TLN2: variants seen among roughly 807,000 people sequenced by gnomAD.
The protein encoded by TLN2 is talin-2.
A neutral mutation model predicts 294.7 loss-of-function variants in TLN2; 118 were observed. That is an observed-to-expected ratio of 0.40 (90% CI 0.34 to 0.47). The LOEUF (loss-of-function observed/expected upper bound fraction) is 0.47, where lower values mean the gene tolerates loss of function less well. Among genes scored for constraint, TLN2 ranks in the 20% least tolerant of loss-of-function variants. The pLI is 0.84. For synonymous variants in TLN2, 1,431 were observed against 1,304.5 expected, an observed-to-expected ratio of 1.10 and a Z score of -2.09; for missense variants, 3,083 against 3,282.2, an observed-to-expected ratio of 0.94 and a Z score of 1.48.
At chr15:62,690,613 C>A (rs1338230030) in intron 12 of TLN2, among the ~76,000 whole-genome samples, 1 of 148,620 alleles carries the variant, frequency 6.7e-6, no homozygotes, top group Non-Finnish European at 1.5e-5. Context: ...GACGGGGTGG[C>A]GGCCGGGCAG....
intron 45 of TLN2, among the ~76,000 whole-genome samples, chr15:62,788,398 C>T (rs2064848796): frequency 6.6e-6 from 1 of 152,194 alleles, no homozygotes; most frequent in Non-Finnish European, 1.5e-5. Flanking sequence ...ACTGTTGGTT[C>T]TGTTGTCCTC....
intron 15 of TLN2, 96 bp downstream of exon 15, chr15:62,697,964 C>G (rs758173641): frequency 1.3e-5 from 19 of 1,429,470 alleles, no homozygotes; most frequent in Admixed American, 7.2e-5. Flanking sequence ...TGTTGGAACG[C>G]TCTCTATTTC....
chr15:62,648,201 G>C (rs2052128205), intron 4 of TLN2, among the ~76,000 whole-genome samples: 2 of 151,976 alleles, frequency 1.3e-5, no homozygotes, highest in South Asian at 4.1e-4. Flanking sequence ...CGGGAAGATC[G>C]CTTGAACCCA....
At chr15:62,684,476 G>A (rs1045005237) in intron 11 of TLN2, among the ~76,000 whole-genome samples, 3 of 152,114 alleles carry the variant, frequency 2.0e-5, no homozygotes, top group Non-Finnish European at 4.4e-5. Flanking sequence ...AAAATCTGAC[G>A]CTTGTCAGTG....
intron 33 of TLN2, 71 bp downstream of exon 33, chr15:62,748,515 C>G (rs1014501555): frequency 2.7e-5 from 32 of 1,190,384 alleles, no homozygotes; most frequent in Non-Finnish European, 4.0e-5. Context: ...GTGTGTCTGT[C>G]TGTCTATGTC....
intron 1 of TLN2, among the ~76,000 whole-genome samples, chr15:62,532,023 AT>A (rs1334214900): frequency 6.8e-6 from 1 of 147,976 alleles, no homozygotes; most frequent in Non-Finnish European, 1.5e-5. Context: ...GGGAATAATT[AT>A]TTTTTTTACT....
intron 1 of TLN2, among the ~76,000 whole-genome samples, chr15:62,413,156 A>T (rs1372801575): frequency 6.6e-6 from 1 of 152,150 alleles, no homozygotes; most frequent in Non-Finnish European, 1.5e-5. Flanking sequence ...TCAACACTTG[A>T]ATTGTGTTGC....
chr15:62,455,840 C>A (rs1352976691), intron 1 of TLN2, among the ~76,000 whole-genome samples: 1 of 152,208 alleles, frequency 6.6e-6, no homozygotes, highest in African/African-American at 2.4e-5. Flanking sequence ...GTCCTGTCCT[C>A]CGAGCCAGTA....
In TLN2 at chr15:62,446,140, G is replaced by A. The variant is rs140735678; in HGVS notation, c.-238+55455G>A. Reference sequence around the variant, plus strand: ...TCCTGGCTCAGCCTCTAGAGTAGCTGAGACTACAGGCGCCCGCCACCACGC... The same window carrying A: ...TCCTGGCTCAGCCTCTAGAGTAGCTAAGACTACAGGCGCCCGCCACCACGC... On this transcript the variant is annotated intron_variant, in intron 1 of 58. Transcript: ENST00000636159. 2.7e-3 allele frequency among the ~76,000 whole-genome samples: 405 copies of A among 152,162 alleles called. 4 individuals are homozygous for A. Among genetic ancestry groups the A allele is most frequent in the African/African-American group, 9.4e-3 (392 of 41,494 alleles).
intron 3 of TLN2, among the ~76,000 whole-genome samples, chr15:62,636,803 T>C (rs1274304783): frequency 1.3e-5 from 2 of 152,194 alleles, no homozygotes; most frequent in African/African-American, 4.8e-5. Flanking sequence ...CAGATGTCCT[T>C]CAGTGGGGGC....
At chr15:62,624,397 A>G (rs1303459085) in intron 3 of TLN2, among the ~76,000 whole-genome samples, 1 of 152,200 alleles carries the variant, frequency 6.6e-6, no homozygotes, top group Non-Finnish European at 1.5e-5. Flanking sequence ...ATCCCATCCT[A>G]GGTCCCTACA....
At chr15:62,569,721 C>T (rs1229402287) in intron 1 of TLN2, among the ~76,000 whole-genome samples, 2 of 152,262 alleles carry the variant, frequency 1.3e-5, no homozygotes, top group East Asian at 1.9e-4. Context: ...TTGGGTAGCA[C>T]GTGAGAGAAA....
chr15:62,469,555 G>T (rs1366501754), intron 1 of TLN2, among the ~76,000 whole-genome samples: 1 of 152,202 alleles, frequency 6.6e-6, no homozygotes, highest in Admixed American at 6.5e-5. Context: ...GGGAAATAGG[G>T]CCTGAATGGA....
At chr15:62,657,243 G>A (rs2053328361) in intron 8 of TLN2, among the ~76,000 whole-genome samples, 1 of 151,970 alleles carries the variant, frequency 6.6e-6, no homozygotes, top group African/African-American at 2.4e-5. Context: ...GGATGCATTC[G>A]CTTGTCATTT....
At chr15:62,485,309 C>T (rs1420490238) in intron 1 of TLN2, among the ~76,000 whole-genome samples, 1 of 152,174 alleles carries the variant, frequency 6.6e-6, no homozygotes, top group Non-Finnish European at 1.5e-5. Flanking sequence ...TTCTGGCTGC[C>T]ACAAGGTCAG....
Position 62,653,247 on chromosome 15 carries a change from C to T in TLN2, c.450C>T (p.Asp150=), listed in dbSNP as rs769457345. The part of the protein sequence containing the change: ...KEEGTGTLKK[D]RTLLRDERKM... ...AAGGAACGGGCACACTCAAAAAAGA[C>T]AGGACACTGTTACGAGATGAGAGGA... Residue 150 remains aspartate (D), a synonymous_variant, in exon 7 of 59, where the codon GAC becomes GAT. Coordinates refer to ENST00000636159, the MANE Select transcript of TLN2 (RefSeq NM_015059.3). 3.1e-6 allele frequency: 5 copies of T among 1,613,420 alleles called. No individual in the cohort carries two copies. In the South Asian group the frequency reaches 5.5e-5, roughly 18 times the overall value.
At chr15:62,710,647 C>A (rs142553182) in intron 21 of TLN2, among the ~76,000 whole-genome samples, 11 of 150,948 alleles carry the variant, frequency 7.3e-5, no homozygotes, top group African/African-American at 2.4e-4. Flanking sequence ...AGGAAATTAG[C>A]ATTGGTATTT....
At chr15:62,408,310 C>G (rs926014714) in intron 1 of TLN2, among the ~76,000 whole-genome samples, 18 of 152,082 alleles carry the variant, frequency 1.2e-4, no homozygotes, top group African/African-American at 4.3e-4. Flanking sequence ...AAAGTGTGTT[C>G]GAGCATGCAC....
In TLN2 at chr15:62,721,659, A is replaced by G. The variant is rs1397798129; in HGVS notation, c.2992-694A>G. ...TGATCCAGAAATTCAACTTTTAAAA[A>G]TTTATACAAAGAAAATTATAAATAT... On this transcript the variant is annotated intron_variant, in intron 25 of 58. Transcript: ENST00000636159. 3.9e-5 allele frequency among the ~76,000 whole-genome samples: 6 copies of G among 152,270 alleles called. No individual in the cohort carries two copies. The South Asian group carries it at 1.0e-3, about 26-fold the overall frequency.
Sources: gnomAD v4.1 joint callset for allele counts (sites outside exome capture counted in the v4.1 genomes callset) on GRCh38, gnomAD v4.1.1 for gene constraint, MANE v1.5 for transcripts, NCBI Gene and HGNC (gene_info 2026-07-23, HGNC 2026-07-21) for gene names.